CSTPP1: variants seen among roughly 807,000 people sequenced by gnomAD.
CSTPP1 encodes the protein UPF0705 protein C11orf49.
At chr11:47,122,216 G>T in the CSTPP1 span, among the ~76,000 whole-genome samples, 1 of 149,530 alleles carries the variant, frequency 6.7e-6, no homozygotes, top group Non-Finnish European at 1.5e-5. Context: ...TCATTTGAAG[G>T]GGTTTATAAC....
chr11:47,013,086 CAT>C, the CSTPP1 span, among the ~76,000 whole-genome samples: 447 of 145,160 alleles, frequency 3.1e-3, 2 homozygotes, highest in African/African-American at 0.01. Context: ...ATATAAATAA[CAT>C]ATAATCATAT....
chr11:47,163,654 C>CT, the CSTPP1 span, among the ~76,000 whole-genome samples: 12 of 152,080 alleles, frequency 7.9e-5, no homozygotes, highest in South Asian at 2.5e-3. Context: ...GTAATTTTTT[C>CT]TTTTTTGAGA....
At chr11:47,034,915 A>G in the CSTPP1 span, among the ~76,000 whole-genome samples, 1 of 152,208 alleles carries the variant, frequency 6.6e-6, no homozygotes, top group Non-Finnish European at 1.5e-5. Flanking sequence ...TAAAATTATC[A>G]AACCATCCTT....
chr11:46,982,687 CATACCTGAA>C, the CSTPP1 span, among the ~76,000 whole-genome samples: 1 of 151,444 alleles, frequency 6.6e-6, no homozygotes, highest in Non-Finnish European at 1.5e-5. Context: ...GTTTAAAGGT[CATACCTGAA>C]ATGGGTATAT....
the CSTPP1 span, among the ~76,000 whole-genome samples, chr11:47,073,612 G>T: frequency 2.6e-4 from 39 of 152,092 alleles, no homozygotes; most frequent in African/African-American, 8.9e-4. Context: ...TTGAATAGGA[G>T]GGAGAGAAGA....
the CSTPP1 span, chr11:47,164,046 G>A: frequency 1.1e-5 from 17 of 1,563,162 alleles, no homozygotes; most frequent in African/African-American, 1.1e-4. Context: ...CTCAGCCAGC[G>A]AGTTAAAGGG....
the CSTPP1 span, among the ~76,000 whole-genome samples, chr11:46,944,256 T>C: frequency 1.4e-5 from 2 of 146,108 alleles, no homozygotes; most frequent in East Asian, 4.0e-4. Context: ...AGGAGGAGGC[T>C]GCAGTGAGCT....
At chr11:47,109,567 C>T in the CSTPP1 span, among the ~76,000 whole-genome samples, 1 of 152,182 alleles carries the variant, frequency 6.6e-6, no homozygotes, top group African/African-American at 2.4e-5. Flanking sequence ...CTGCCAGACA[C>T]AGAGTGCTAA....
At chr11:46,961,027 G>C in the CSTPP1 span, among the ~76,000 whole-genome samples, 1 of 152,124 alleles carries the variant, frequency 6.6e-6, no homozygotes, top group Non-Finnish European at 1.5e-5. Context: ...AAATACTGCT[G>C]TGAACATCTG....
the CSTPP1 span, among the ~76,000 whole-genome samples, chr11:47,128,138 G>A: frequency 6.6e-6 from 1 of 152,088 alleles, no homozygotes. Context: ...GGCTCCCAAA[G>A]TGCTGGGATT....
the CSTPP1 span, among the ~76,000 whole-genome samples, chr11:47,151,728 T>C: frequency 1.3e-5 from 2 of 151,570 alleles, no homozygotes; most frequent in South Asian, 2.1e-4. Flanking sequence ...CTTCTTGCAG[T>C]TGAAAAAAAA....
the CSTPP1 span, chr11:47,155,015 C>T: frequency 4.6e-6 from 3 of 657,478 alleles, no homozygotes; most frequent in Non-Finnish European, 8.1e-6. Flanking sequence ...TTTGGGAGCC[C>T]TCTCCTAAAT....
chr11:47,019,596 G>A, the CSTPP1 span, among the ~76,000 whole-genome samples: 1 of 152,170 alleles, frequency 6.6e-6, no homozygotes, highest in Non-Finnish European at 1.5e-5. Flanking sequence ...TGGCTGGTCG[G>A]TGGAGGAGTC....
the CSTPP1 span, among the ~76,000 whole-genome samples, chr11:47,091,201 C>T: frequency 6.6e-6 from 1 of 151,670 alleles, no homozygotes; most frequent in African/African-American, 2.4e-5. Flanking sequence ...ACCATCCTAG[C>T]TAACACGGTG....
At chr11:47,128,736 G>T in the CSTPP1 span, among the ~76,000 whole-genome samples, 1 of 151,868 alleles carries the variant, frequency 6.6e-6, no homozygotes, top group South Asian at 2.1e-4. Flanking sequence ...TTTTTTTCAG[G>T]CCGGGAGCAG....
chr11:47,024,239 T>C, the CSTPP1 span, among the ~76,000 whole-genome samples: 2 of 152,014 alleles, frequency 1.3e-5, no homozygotes, highest in Admixed American at 1.3e-4. Flanking sequence ...TTTAAAGATA[T>C]TTTTCATAGA....
the CSTPP1 span, among the ~76,000 whole-genome samples, chr11:46,956,921 A>G: frequency 2.0e-5 from 3 of 151,040 alleles, no homozygotes; most frequent in South Asian, 2.1e-4. Context: ...GTATATATGT[A>G]TATATATATA....
At chr11:47,164,230 A>G in the CSTPP1 span, 3 of 1,613,582 alleles carry the variant, frequency 1.9e-6, no homozygotes, top group Non-Finnish European at 2.5e-6. Flanking sequence ...CCCTACCATT[A>G]CCGGTGGGAG....
At chr11:47,011,652 C>T in the CSTPP1 span, among the ~76,000 whole-genome samples, 4 of 152,334 alleles carry the variant, frequency 2.6e-5, no homozygotes, top group Admixed American at 1.3e-4. Flanking sequence ...CCAAGAACTA[C>T]GACTGGCTTG....
Sources: gnomAD v4.1 joint callset for allele counts (sites outside exome capture counted in the v4.1 genomes callset) on GRCh38, gnomAD v4.1.1 for gene constraint, MANE v1.5 for transcripts, NCBI Gene and HGNC (gene_info 2026-07-23, HGNC 2026-07-21) for gene names.